MFSD6: variants seen among roughly 807,000 people sequenced by gnomAD.
MFSD6 encodes major facilitator superfamily domain-containing protein 6.
In MFSD6, 26 loss-of-function variants were observed where a neutral mutation model predicts 56.3. The ratio of observed to expected loss-of-function variants is 0.46; its 90% CI spans 0.34 to 0.64. MFSD6 has a LOEUF of 0.64. Among genes scored for constraint, MFSD6 ranks in the 30% least tolerant of loss-of-function variants. The pLI, the probability that MFSD6 is intolerant of heterozygous loss-of-function variation, is 0.01. For missense variants in MFSD6, 750 were observed against 986.2 expected (o/e 0.76, Z 3.21); for synonymous variants, 331 against 366.9 (o/e 0.90, Z 1.12).
Position 190,469,654 on chromosome 2 carries a change from G to A in MFSD6, c.1533-104G>A, listed in dbSNP as rs141803907. ...GGTGGTTTGGGGAAGGAAAAGGTAG[G>A]TAATATTTGCATGTTTTGTACACAT... is the stretch of plus-strand genomic sequence containing the variant. On this transcript the variant is annotated intron_variant, in intron 3 of 7. Coordinates refer to ENST00000392328, the MANE Select transcript of MFSD6 (RefSeq NM_017694.4). The surrounding 1 kb of genome is among the most constrained non-coding windows in gnomAD (Gnocchi z 5.3). The A allele has an allele frequency of 3.7e-3, 2,161 of 576,806 alleles. 13 individuals carry two copies. Among genetic ancestry groups the A allele is most frequent in the Non-Finnish European group, 5.0e-3 (1,960 of 391,582 alleles). 35.7% of individuals were successfully genotyped at this position (576,806 alleles called of 1,614,324 possible).
At chr2:190,429,652 C>T (rs1431750786) in intron 2 of MFSD6, among the ~76,000 whole-genome samples, 1 of 151,962 alleles carries the variant, frequency 6.6e-6, no homozygotes, top group Non-Finnish European at 1.5e-5. Context: ...ATTATTTTTT[C>T]TTCTTTAATG....
chr2:190,501,439 A>G lies in MFSD6; in HGVS notation c.*1221A>G, dbSNP rs750365736. ...AACAATGGCTGGGTGGATCGCACGT[A>G]AAGCTTGCCACTAAAAATCAAAGCA... On this transcript the variant is annotated 3_prime_UTR_variant, in exon 8 of 8. Transcript: ENST00000392328. 1 of 152,222 alleles carries G rather than the reference A, an allele frequency of 6.6e-6. No homozygotes were observed. The highest frequency in any genetic ancestry group is 1.5e-5 in the Non-Finnish European group (1 of 68,044). The allele number at this position is 152,222 out of a possible 1,614,324, so 9.4% of individuals were successfully genotyped here.
At chr2:190,420,803 C>A (rs1408033137) in intron 2 of MFSD6, among the ~76,000 whole-genome samples, 4 of 152,054 alleles carry the variant, frequency 2.6e-5, no homozygotes, top group African/African-American at 9.7e-5. Context: ...TTACCAAAAT[C>A]TAAATATGAC....
intron 3 of MFSD6, among the ~76,000 whole-genome samples, chr2:190,464,337 G>A (rs1390044090): frequency 6.6e-6 from 1 of 152,186 alleles, no homozygotes; most frequent in African/African-American, 2.4e-5. Context: ...GTTGCCATCA[G>A]TCATTAGGTG....
rs142932609 is a variant in MFSD6, at chr2:190,500,215, C to T, written c.2373C>T (p.His791=). The change falls in exon 8 of 8, where the codon CAC becomes CAT. Residue 791 remains histidine, a synonymous_variant. Coordinates refer to ENST00000392328, the MANE Select transcript of MFSD6 (RefSeq NM_017694.4). The surrounding 1 kb of genome is among the most constrained non-coding windows in gnomAD (Gnocchi z 5.3). The stretch of plus-strand genomic sequence containing the variant: ...AGGCTCAGCTGGCCGCGGGAGGACA[C>T]TGAGGGCATCCTGCTCATCTCACAC... The part of the protein sequence containing the change: ...EQQAQLAAGG[H] 1.9e-5 allele frequency: 30 copies of T among 1,613,978 alleles called. No homozygotes were observed. In the African/African-American group the frequency reaches 3.6e-4, roughly 19 times the overall value.
rs1434654840 is a variant in MFSD6 at position 190,459,296 on chromosome 2, A to G, written c.1533-10462A>G. Among the ~76,000 whole-genome samples the G allele has an allele frequency of 6.6e-6, 1 of 152,168 alleles. No individual in the cohort carries two copies. The highest frequency in any genetic ancestry group is 1.5e-5 in the Non-Finnish European group (1 of 68,040). On this transcript the variant is annotated intron_variant, in intron 3 of 7. Transcript: ENST00000392328. This position sits in a 1 kb window ranked among gnomAD's most constrained non-coding sequence, Gnocchi z 5.3. ...TTGGTCATGACATTGCTTCAACCTGAGTTTCGATGAACTTGTTCAGCTTCG... is the reference window on the plus strand; with the variant it reads ...TTGGTCATGACATTGCTTCAACCTGGGTTTCGATGAACTTGTTCAGCTTCG...
rs1050551641 is a variant in MFSD6 at position 190,426,866 on chromosome 2, T to C, written c.-53-9111T>C. 1.5e-4 allele frequency among the ~76,000 whole-genome samples: 23 copies of C among 152,366 alleles called. No homozygotes were observed. Among genetic ancestry groups the C allele is most frequent in the Non-Finnish European group, 8.8e-5 (6 of 68,036 alleles). ...TTAGACCTTCTGCTTTAGCTGACTT[T>C]TTCTGAAACTGCTCTGGCAAGAGAA... On this transcript the variant is annotated intron_variant, in intron 2 of 7. Coordinates refer to ENST00000392328, the MANE Select transcript of MFSD6 (RefSeq NM_017694.4). This position sits in a 1 kb window ranked among gnomAD's most constrained non-coding sequence, Gnocchi z 4.7.
In MFSD6 at chr2:190,451,143, A is replaced by C. The variant is rs975167675; in HGVS notation, c.1532+13582A>C. 1.2e-4 allele frequency among the ~76,000 whole-genome samples: 19 copies of C among 152,174 alleles called. No homozygotes were observed. Among genetic ancestry groups the C allele is most frequent in the Non-Finnish European group, 2.4e-4 (16 of 68,028 alleles). On this transcript the variant is annotated intron_variant, in intron 3 of 7. Transcript: ENST00000392328. The surrounding 1 kb of genome is among the most constrained non-coding windows in gnomAD (Gnocchi z 5.0). ...CCTTCTTTTTGCCAATTTGCCTATAAAAAGTGTATGTGTGTGTATATGTAC... is the reference window on the plus strand; with the variant it reads ...CCTTCTTTTTGCCAATTTGCCTATACAAAGTGTATGTGTGTGTATATGTAC...
rs1320775133 is a variant in MFSD6, at chr2:190,495,626, C to T, written c.1892-1813C>T. ...TATAAGGCCATAGTCACCAAAACAG[C>T]ATGGTACTGGTATAAAAACTGGCCC... On this transcript the variant is annotated intron_variant, in intron 6 of 7. Coordinates refer to ENST00000392328, the MANE Select transcript of MFSD6 (RefSeq NM_017694.4). This position sits in a 1 kb window ranked among gnomAD's most constrained non-coding sequence, Gnocchi z 4.7. Among the ~76,000 whole-genome samples the T allele has an allele frequency of 2.6e-5, 4 of 152,280 alleles. No homozygotes were observed. The highest frequency in any genetic ancestry group is 3.4e-3 in the Middle Eastern group (1 of 294).
chr2:190,468,453 AT>A (rs139847075), intron 3 of MFSD6, among the ~76,000 whole-genome samples: 1,982 of 139,926 alleles, frequency 0.014, 36 homozygotes, highest in African/African-American at 0.041. Flanking sequence ...ATAGGAATGA[AT>A]TTTTTTTTTT....
intron 1 of MFSD6, chr2:190,411,465 G>A: frequency 1.0e-6 from 1 of 985,284 alleles, no homozygotes; most frequent in Non-Finnish European, 1.2e-6. Context: ...GCCGACAGTG[G>A]CTATCTTCAG....
rs1688954767 is a variant in MFSD6 at position 190,485,414 on chromosome 2, T to C, written c.1631-3243T>C. On this transcript the variant is annotated intron_variant, in intron 4 of 7. Transcript: ENST00000392328. The surrounding 1 kb of genome is among the most constrained non-coding windows in gnomAD (Gnocchi z 5.1). ...TACCATTTGATGTGTTTTCAGGTTT[T>C]CGGTAATTCATCTTTAAGAAATGAT... Among the ~76,000 whole-genome samples the C allele has an allele frequency of 6.6e-6, 1 of 152,236 alleles. No individual in the cohort carries two copies. Among genetic ancestry groups the C allele is most frequent in the Non-Finnish European group, 1.5e-5 (1 of 68,026 alleles).
In MFSD6 at chr2:190,494,625, A is replaced by G. The variant is rs1689558709; in HGVS notation, c.1892-2814A>G. 1.3e-5 allele frequency among the ~76,000 whole-genome samples: 2 copies of G among 152,170 alleles called. No individual in the cohort carries two copies. Among genetic ancestry groups the G allele is most frequent in the Non-Finnish European group, 2.9e-5 (2 of 67,998 alleles). On this transcript the variant is annotated intron_variant, in intron 6 of 7. Transcript: ENST00000392328. The surrounding 1 kb of genome is among the most constrained non-coding windows in gnomAD (Gnocchi z 5.7). Reference sequence around the variant, plus strand: ...ACAAAATACTAGCTAATCGAATCCAACAGCATGTCAAAAAGATAATCCACC... The same window carrying G: ...ACAAAATACTAGCTAATCGAATCCAGCAGCATGTCAAAAAGATAATCCACC...
intron 3 of MFSD6, among the ~76,000 whole-genome samples, chr2:190,448,919 T>C (rs891609234): frequency 7.9e-5 from 12 of 152,232 alleles, no homozygotes; most frequent in African/African-American, 2.9e-4. Flanking sequence ...ATAACCGTCC[T>C]CCTGTAGAAG....
rs1689699434 is a variant in MFSD6, at chr2:190,496,656, ATATGTGTGTG to A, written c.1892-771_1892-762del. On this transcript the variant is annotated intron_variant, in intron 6 of 7. Transcript: ENST00000392328. The surrounding 1 kb of genome is among the most constrained non-coding windows in gnomAD (Gnocchi z 4.7). ...TGTGTGTATATATATGTATATGTGT[ATATGTGTGTG>A]TATGTGTGTGTGTATATACACACAC... 1.3e-5 allele frequency among the ~76,000 whole-genome samples: 2 copies of A among 149,610 alleles called. No individual in the cohort carries two copies. The highest frequency in any genetic ancestry group is 6.6e-5 in the Admixed American group (1 of 15,064).
At position 190,489,968 on chromosome 2, in the gene MFSD6, T is replaced by A; in HGVS notation, c.1891+102T>A. On this transcript the variant is annotated intron_variant, in intron 6 of 7. Transcript: ENST00000392328. The surrounding 1 kb of genome is among the most constrained non-coding windows in gnomAD (Gnocchi z 6.6). ...GAAGTGGTACAGAGTATACAACAGG[T>A]CTGTTTGGCTCAATTTTCTGAGTGG... The A allele has an allele frequency of 1.1e-6, 1 of 920,628 alleles. No individual in the cohort carries two copies. Among genetic ancestry groups the A allele is most frequent in the Non-Finnish European group, 1.6e-6 (1 of 628,496 alleles). The allele number at this position is 920,628 out of a possible 1,614,324, so 57.0% of individuals were successfully genotyped here. A position where few individuals can be genotyped will look rare whatever the true frequency, so the allele number is the denominator to read the frequency against.
intron 2 of MFSD6, among the ~76,000 whole-genome samples, chr2:190,422,094 T>C (rs1685638188): frequency 6.6e-6 from 1 of 152,224 alleles, no homozygotes; most frequent in South Asian, 2.1e-4. Context: ...GTAAACTGCA[T>C]TTTTTCTTTT....
rs1425206316 is a variant in MFSD6 at position 190,489,771 on chromosome 2, C to G, written c.1796C>G (p.Ala599Gly). The change falls in exon 6 of 8, where the codon GCT (alanine) becomes GGT (glycine). Residue 599 changes from alanine (A) to glycine (G), a missense_variant. By Grantham distance (60) the Ala-to-Gly change is moderately conservative. Around this residue, in one of 5 missense-constraint regions of MFSD6, gnomAD observed 125 missense variants for 223.1 expected, o/e 0.56. Coordinates refer to ENST00000392328, the MANE Select transcript of MFSD6 (RefSeq NM_017694.4). The surrounding 1 kb of genome is among the most constrained non-coding windows in gnomAD (Gnocchi z 6.6). ...IGGVLVNYFG[A>G]AATFRGIGMA... ...AGAGTGCTGTTTGTTTTTATAGGGG[C>G]TGCTGCAACCTTCCGAGGAATTGGC... 4 of 1,613,842 alleles carry G rather than the reference C, an allele frequency of 2.5e-6. No individual in the cohort carries two copies. The highest frequency in any genetic ancestry group is 1.1e-5 in the South Asian group (1 of 91,040).
chr2:190,487,973 G>A lies in MFSD6; in HGVS notation c.1631-684G>A, dbSNP rs549115826. Among the ~76,000 whole-genome samples, 1 of 152,188 alleles carries A rather than the reference G, an allele frequency of 6.6e-6. No individual in the cohort carries two copies. Among genetic ancestry groups the A allele is most frequent in the Admixed American group, 6.5e-5 (1 of 15,302 alleles). Reference sequence around the variant, plus strand: ...TGGGGAGTGCAGTGGCGTGATCTTGGCTCACTGCAACCTCTGCCTCCTGGG... The same window carrying A: ...TGGGGAGTGCAGTGGCGTGATCTTGACTCACTGCAACCTCTGCCTCCTGGG... On this transcript the variant is annotated intron_variant, in intron 4 of 7. Coordinates refer to ENST00000392328, the MANE Select transcript of MFSD6 (RefSeq NM_017694.4). This position sits in a 1 kb window ranked among gnomAD's most constrained non-coding sequence, Gnocchi z 5.5.
Sources: gnomAD v4.1 joint callset for allele counts (sites outside exome capture counted in the v4.1 genomes callset) on GRCh38, gnomAD v4.1.1 for gene constraint, gnomAD v4.1.1 regional missense constraint, Gnocchi (gnomAD v3.1) non-coding constraint, MANE v1.5 for transcripts, NCBI Gene and HGNC (gene_info 2026-07-23, HGNC 2026-07-21) for gene names.